Variants in MED31 observed in about 807,000 individuals in gnomAD.
The protein encoded by MED31 is mediator of RNA polymerase II transcription subunit 31.
A neutral mutation model predicts 22.0 loss-of-function variants in MED31; 11 were observed. The ratio of observed to expected loss-of-function variants is 0.50; its 90% CI spans 0.31 to 0.83. The LOEUF (loss-of-function observed/expected upper bound fraction) is 0.83, where lower values mean the gene tolerates loss of function less well. Ranked by LOEUF, MED31 falls within the 40% of genes least tolerant of loss-of-function variation. MED31 has a pLI of 0.04. For synonymous variants in MED31, 60 were observed against 55.1 expected (o/e 1.09, Z -0.40); for missense variants, 122 against 155.3 (o/e 0.79, Z 1.14).
At chr17:6,647,385 T>G (rs190866497) in intron 3 of MED31, among the ~76,000 whole-genome samples, 168 of 152,332 alleles carry the variant, frequency 1.1e-3, no homozygotes, top group African/African-American at 3.7e-3. Flanking sequence ...AAAGCCAAAG[T>G]TGCACAAGTG....
intron 3 of MED31, among the ~76,000 whole-genome samples, chr17:6,646,161 C>T (rs1972764323): frequency 6.6e-6 from 1 of 152,076 alleles, no homozygotes; most frequent in Non-Finnish European, 1.5e-5. Flanking sequence ...TACAGCACAC[C>T]AGCAGAACAA....
intron 3 of MED31, among the ~76,000 whole-genome samples, chr17:6,647,918 A>G (rs983432239): frequency 7.9e-5 from 12 of 152,258 alleles, no homozygotes; most frequent in African/African-American, 2.7e-4. Context: ...AGAATACCTT[A>G]GATGACAATA....
intron 1 of MED31, 35 bp downstream of exon 1, chr17:6,651,466 A>C (rs1407380516): frequency 1.2e-6 from 2 of 1,613,862 alleles, no homozygotes; most frequent in Non-Finnish European, 1.7e-6. Context: ...GGAGAGTTCC[A>C]TCTGCGAAGA....
intron 3 of MED31, among the ~76,000 whole-genome samples, chr17:6,645,654 T>G (rs1251641745): frequency 1.3e-5 from 2 of 152,206 alleles, no homozygotes; most frequent in Non-Finnish European, 2.9e-5. Flanking sequence ...TAATTCATAA[T>G]TCTACTAAAA....
At chr17:6,651,477 C>T in intron 1 of MED31, 24 bp downstream of exon 1, 1 of 1,614,122 alleles carries the variant, frequency 6.2e-7, no homozygotes, top group Non-Finnish European at 8.5e-7. Flanking sequence ...TCTGCGAAGA[C>T]TCCAAGATCA....
intron 3 of MED31, 108 bp from the exon 4 acceptor site, chr17:6,644,767 A>G: frequency 7.8e-7 from 1 of 1,289,204 alleles, no homozygotes; most frequent in Non-Finnish European, 1.0e-6. Flanking sequence ...CATTTCTATA[A>G]CAGTAACTTA....
intron 3 of MED31, among the ~76,000 whole-genome samples, chr17:6,646,379 G>A (rs559668552): frequency 2.0e-5 from 3 of 152,290 alleles, no homozygotes; most frequent in South Asian, 2.1e-4. Flanking sequence ...TAACATATAG[G>A]AAGTGTGGGG....
chr17:6,647,390 C>T (rs2150948633), intron 3 of MED31, among the ~76,000 whole-genome samples: 1 of 152,358 alleles, frequency 6.6e-6, no homozygotes, highest in Middle Eastern at 3.4e-3. Context: ...CAAAGTTGCA[C>T]AAGTGATATG....
At position 6,644,054 on chromosome 17, in the gene MED31, G is replaced by A. The variant is rs962593681; in HGVS notation, c.*413C>T. On this transcript the variant is annotated 3_prime_UTR_variant, in exon 4 of 4. Transcript: ENST00000225728. ...GCTACTCTCACTACATCTTAGAGTA[G>A]AGTGGTAGAGTAGTTGATCTGAGAC... The A allele has an allele frequency of 9.9e-6, 4 of 403,806 alleles. No individual in the cohort carries two copies. Among genetic ancestry groups the A allele is most frequent in the African/African-American group, 2.1e-5 (1 of 48,652 alleles). 25.0% of individuals were successfully genotyped at this position (403,806 alleles called of 1,614,324 possible). A position where few individuals can be genotyped will look rare whatever the true frequency, so the allele number is the denominator to read the frequency against.
Position 6,643,917 on chromosome 17 carries a change from G to A in MED31, c.*550C>T, listed in dbSNP as rs1432827135. On this transcript the variant is annotated 3_prime_UTR_variant, in exon 4 of 4. Transcript: ENST00000225728. ...GGTCAAGTGAGGCCACAGTGATTCA[G>A]TGATTCTTAAAGCCACCTTGCAAAG... 2.6e-6 allele frequency: 1 copy of A among 391,144 alleles called. No homozygotes were observed. The highest frequency in any genetic ancestry group is 4.5e-6 in the Non-Finnish European group (1 of 221,766). 24.2% of individuals were successfully genotyped at this position (391,144 alleles called of 1,614,324 possible). A position where few individuals can be genotyped will look rare whatever the true frequency, so the allele number is the denominator to read the frequency against.
At chr17:6,650,832 G>T (rs1300517079) in intron 1 of MED31, among the ~76,000 whole-genome samples, 3 of 152,114 alleles carry the variant, frequency 2.0e-5, no homozygotes, top group African/African-American at 7.2e-5. Context: ...AATCAGTAAA[G>T]AAAAACTTAG....
chr17:6,646,955 C>T (rs1051664505), intron 3 of MED31, among the ~76,000 whole-genome samples: 2 of 152,210 alleles, frequency 1.3e-5, no homozygotes, highest in African/African-American at 4.8e-5. Context: ...GAAAACCGCC[C>T]TGTGGCTGGA....
In MED31 at chr17:6,643,960, T is replaced by C. The variant is rs1166934919; in HGVS notation, c.*507A>G. 5.0e-6 allele frequency: 2 copies of C among 396,988 alleles called. No individual in the cohort carries two copies. The highest frequency in any genetic ancestry group is 4.1e-5 in the African/African-American group (2 of 48,604). 24.6% of individuals were successfully genotyped at this position (396,988 alleles called of 1,614,324 possible). A position where few individuals can be genotyped will look rare whatever the true frequency, so the allele number is the denominator to read the frequency against. ...TTGCAAAGCAGGTAATACAGTTATTTCCTGTCCTGCAGAATTCAAGAACCT... is the reference window on the plus strand; with the variant it reads ...TTGCAAAGCAGGTAATACAGTTATTCCCTGTCCTGCAGAATTCAAGAACCT... On this transcript the variant is annotated 3_prime_UTR_variant, in exon 4 of 4. Transcript: ENST00000225728.
chr17:6,651,271 C>T, intron 1 of MED31: 8 of 574,332 alleles, frequency 1.4e-5, no homozygotes, highest in Non-Finnish European at 2.4e-5. Context: ...GTCTCACCCA[C>T]GCCAGGGAGC....
intron 2 of MED31, 112 bp from the exon 3 acceptor site, chr17:6,650,190 T>C (rs2150949586): frequency 2.4e-6 from 3 of 1,250,462 alleles, no homozygotes; most frequent in South Asian, 1.4e-5. Flanking sequence ...CCAACACACA[T>C]TGGATTCAAA....
At chr17:6,644,691 ATAATT>A in intron 3 of MED31, 32 bp from the exon 4 acceptor site, 1 of 1,518,614 alleles carries the variant, frequency 6.6e-7, no homozygotes, top group South Asian at 1.3e-5. Context: ...AATGAACAAC[ATAATT>A]TAGGTAAATA....
rs901064562 is a variant in MED31 at position 6,651,589 on chromosome 17, G to C, written c.-61C>G. 2.9e-5 allele frequency: 47 copies of C among 1,608,902 alleles called. No individual in the cohort carries two copies. The East Asian group carries it at 1.0e-3, about 34-fold the overall frequency. ...AGAGCAAAAGCCCAGAGACGCGGGC[G>C]AAGTTCCGGAAACCACGGCTCCCTC... On this transcript the variant is annotated 5_prime_UTR_variant, in exon 1 of 4. Transcript: ENST00000225728.
chr17:6,650,216 C>T lies in MED31; in HGVS notation c.107-138G>A, dbSNP rs565934153. The T allele has an allele frequency of 1.5e-4, 181 of 1,177,076 alleles. 2 individuals carry two copies. In the South Asian group the frequency reaches 1.9e-3, roughly 13 times the overall value. The allele number at this position is 1,177,076 out of a possible 1,614,324, so 72.9% of individuals were successfully genotyped here. On this transcript the variant is annotated intron_variant, in intron 2 of 3. Coordinates refer to ENST00000225728, the MANE Select transcript of MED31 (RefSeq NM_016060.3). The stretch of plus-strand genomic sequence containing the variant: ...TGGATTCAAAACACAAGTCCCAGTA[C>T]GCAATTATATCTATATACCAGCATA...
intron 3 of MED31, among the ~76,000 whole-genome samples, chr17:6,649,602 A>C (rs1278665533): frequency 2.0e-5 from 3 of 152,232 alleles, no homozygotes; most frequent in African/African-American, 7.2e-5. Context: ...GCAGGGCCAG[A>C]TCGTATAAGG....
Sources: gnomAD v4.1 joint callset for allele counts (sites outside exome capture counted in the v4.1 genomes callset) on GRCh38, gnomAD v4.1.1 for gene constraint, MANE v1.5 for transcripts, NCBI Gene and HGNC (gene_info 2026-07-23, HGNC 2026-07-21) for gene names.